Variants in SGCD observed in about 807,000 individuals in gnomAD.
SGCD encodes the protein sarcoglycan delta.
Under a neutral mutation model 36.6 loss-of-function variants are expected in SGCD, and 18 were observed. The observed-to-expected ratio is 0.49, with a 90% CI of 0.34 to 0.73. The LOEUF is 0.73. Ranked by LOEUF, SGCD falls within the 30% of genes least tolerant of loss-of-function variation. SGCD has a pLI of 0.01. For synonymous variants in SGCD, 133 were observed against 130.6 expected (o/e 1.02, Z -0.12); for missense variants, 387 against 346.7 (o/e 1.12, Z -0.92).
chr5:155,745,876 T>C, the SGCD span, among the ~76,000 whole-genome samples: 419 of 152,278 alleles, frequency 2.8e-3, no homozygotes, highest in African/African-American at 9.3e-3. Context: ...ATACATTGCT[T>C]TGGGGAATGT....
rs534121394 is a variant in SGCD at position 156,673,532 on chromosome 5, A to G, written c.575+25996A>G. The stretch of plus-strand genomic sequence containing the variant: ...TATTCACAACGGAAGATGAGTTTCC[A>G]GTTCTTTGAGCTTTTTTCACAAATA... On this transcript the variant is annotated intron_variant, in intron 7 of 8. Transcript: ENST00000337851. 8.5e-5 allele frequency among the ~76,000 whole-genome samples: 13 copies of G among 152,254 alleles called. No individual in the cohort carries two copies. The South Asian group carries it at 1.2e-3, about 15-fold the overall frequency.
the SGCD span, among the ~76,000 whole-genome samples, chr5:155,797,569 T>C: frequency 3.3e-5 from 5 of 152,206 alleles, no homozygotes; most frequent in African/African-American, 9.6e-5. Context: ...TGCATTTCAA[T>C]TGAGTTCCAC....
chr5:156,696,078 G>T (rs1180133719), intron 7 of SGCD, among the ~76,000 whole-genome samples: 1 of 152,184 alleles, frequency 6.6e-6, no homozygotes, highest in East Asian at 1.9e-4. Context: ...ATTCTAGGAT[G>T]CCCCTCACCT....
At chr5:156,041,122 A>G (rs1006931498) in intron 1 of SGCD, among the ~76,000 whole-genome samples, 1 of 152,192 alleles carries the variant, frequency 6.6e-6, no homozygotes, top group African/African-American at 2.4e-5. Context: ...GCATAATCAG[A>G]TGTGTATCTG....
At chr5:156,492,327 C>T (rs1755981748) in intron 3 of SGCD, among the ~76,000 whole-genome samples, 1 of 151,992 alleles carries the variant, frequency 6.6e-6, no homozygotes, top group African/African-American at 2.4e-5. Context: ...GGAATTGGCT[C>T]ATGTGGTTAG....
intron 1 of SGCD, among the ~76,000 whole-genome samples, chr5:155,908,704 C>T (rs576995341): frequency 2.8e-4 from 42 of 152,190 alleles, no homozygotes; most frequent in Admixed American, 7.2e-4. Context: ...TCTGTAACTC[C>T]GTATTGACAA....
chr5:156,249,511 A>G (rs1466201104), intron 3 of SGCD, among the ~76,000 whole-genome samples: 4 of 152,176 alleles, frequency 2.6e-5, no homozygotes, highest in Non-Finnish European at 4.4e-5. Context: ...TTGATTTTCT[A>G]TGTTCTGACA....
At chr5:155,989,925 T>C (rs964761700) in intron 1 of SGCD, among the ~76,000 whole-genome samples, 2 of 152,210 alleles carry the variant, frequency 1.3e-5, no homozygotes, top group African/African-American at 4.8e-5. Flanking sequence ...TAGGAGTAAA[T>C]AAATGCCAGA....
intron 1 of SGCD, among the ~76,000 whole-genome samples, chr5:155,872,762 C>A (rs1755681926): frequency 6.6e-6 from 1 of 152,124 alleles, no homozygotes; most frequent in Admixed American, 6.6e-5. Flanking sequence ...TGTTAGTAGA[C>A]TGCCATTAAA....
chr5:156,170,372 A>ACCTGAGTTGT (rs1763313657), intron 3 of SGCD, among the ~76,000 whole-genome samples: 1 of 152,206 alleles, frequency 6.6e-6, no homozygotes, highest in Non-Finnish European at 1.5e-5. Flanking sequence ...GTAATTGTCC[A>ACCTGAGTTGT]CCTGAGTTGT....
chr5:155,891,596 A>G (rs911565741), intron 1 of SGCD, among the ~76,000 whole-genome samples: 1 of 65,692 alleles, frequency 1.5e-5, no homozygotes, highest in Admixed American at 3.2e-4. Context: ...TACTTGGTCA[A>G]ACTCTCAATT....
intron 1 of SGCD, among the ~76,000 whole-genome samples, chr5:156,001,205 A>G (rs1048415682): frequency 2.0e-5 from 3 of 152,236 alleles, no homozygotes; most frequent in East Asian, 3.8e-4. Context: ...GCAGGTCGCT[A>G]CAATTTCCCA....
intron 4 of SGCD, among the ~76,000 whole-genome samples, chr5:156,533,722 T>A (rs1372604320): frequency 1.3e-5 from 2 of 152,224 alleles, no homozygotes; most frequent in Admixed American, 6.5e-5. Flanking sequence ...ATTTATTATA[T>A]ATAAGGATGC....
chr5:156,126,981 G>A (rs544574313), intron 3 of SGCD, among the ~76,000 whole-genome samples: 57 of 152,252 alleles, frequency 3.7e-4, no homozygotes, highest in African/African-American at 1.3e-3. Context: ...GATAATTCAT[G>A]TGCTTTGCTA....
In SGCD at chr5:156,359,532, G is replaced by A. The variant is rs757996271; in HGVS notation, c.192+14855G>A. On this transcript the variant is annotated intron_variant, in intron 3 of 8. Coordinates refer to ENST00000337851, the MANE Select transcript of SGCD (RefSeq NM_000337.6). ...CACTTTCCTAAGGTTGCAGTAAGTCGCAGAGCTGGGATATAAAGCCAGCCT... is the reference window on the plus strand; with the variant it reads ...CACTTTCCTAAGGTTGCAGTAAGTCACAGAGCTGGGATATAAAGCCAGCCT... Among the ~76,000 whole-genome samples the A allele has an allele frequency of 5.9e-5, 9 of 152,058 alleles. No homozygotes were observed. In the South Asian group the frequency reaches 6.2e-4, roughly 11 times the overall value.
At chr5:156,072,588 T>C (rs1331644307) in intron 1 of SGCD, among the ~76,000 whole-genome samples, 4 of 152,272 alleles carry the variant, frequency 2.6e-5, no homozygotes, top group African/African-American at 7.2e-5. Flanking sequence ...TCAACTTTGG[T>C]GAATCTGACA....
At chr5:156,522,955 T>C (rs1250409899) in intron 4 of SGCD, among the ~76,000 whole-genome samples, 2 of 152,200 alleles carry the variant, frequency 1.3e-5, no homozygotes, top group Non-Finnish European at 2.9e-5. Flanking sequence ...TTATTTTTGA[T>C]TCTGTCATTT....
At chr5:156,082,339 A>G (rs1345336654) in intron 1 of SGCD, among the ~76,000 whole-genome samples, 1 of 151,848 alleles carries the variant, frequency 6.6e-6, no homozygotes, top group Non-Finnish European at 1.5e-5. Context: ...TCAGTTCTGT[A>G]TGTCAAAGTG....
chr5:156,626,071 C>A (rs538724895), intron 6 of SGCD, among the ~76,000 whole-genome samples: 2 of 152,032 alleles, frequency 1.3e-5, no homozygotes, highest in Non-Finnish European at 2.9e-5. Context: ...TGACATCTAA[C>A]GGATGGAGGA....
Sources: allele counts gnomAD v4.1 joint callset (sites outside exome capture counted in the v4.1 genomes callset), GRCh38; gene constraint gnomAD v4.1.1; transcripts MANE v1.5; gene names NCBI Gene and HGNC (gene_info 2026-07-23, HGNC 2026-07-21).